The following DNAH7 variants were observed in gnomAD, a reference collection of about 807,000 sequenced individuals.
DNAH7 encodes the protein axonemal beta dynein heavy chain 7.
DNAH7 carries 397 observed loss-of-function variants against 444.6 expected under a neutral mutation model. That is an observed-to-expected ratio of 0.89 (90% confidence interval 0.82 to 0.97). The LOEUF (loss-of-function observed/expected upper bound fraction) is 0.97. Among genes scored for constraint, DNAH7 ranks in the 50% least tolerant of loss-of-function variants. DNAH7 has a pLI of 0.00. For synonymous variants in DNAH7, 1,636 were observed against 1,624.4 expected (o/e 1.01, Z -0.17); for missense variants, 4,902 against 4,800.8 (o/e 1.02, Z -0.62).
chr2:195,802,961 CT>C (rs1696546680), intron 54 of DNAH7, among the ~76,000 whole-genome samples: 1 of 152,170 alleles, frequency 6.6e-6, no homozygotes, highest in Non-Finnish European at 1.5e-5. Flanking sequence ...CAGTATTCGT[CT>C]TTCTGTGTCT....
chr2:195,799,557 A>G, intron 54 of DNAH7, 85 bp from the exon 55 acceptor site: 1 of 1,232,360 alleles, frequency 8.1e-7, no homozygotes, highest in Non-Finnish European at 1.1e-6. Flanking sequence ...GAGTTTTAAA[A>G]CAAAATACCC....
intron 31 of DNAH7, among the ~76,000 whole-genome samples, chr2:195,889,346 C>T (rs1701889374): frequency 6.8e-6 from 1 of 146,110 alleles, no homozygotes; most frequent in Non-Finnish European, 1.5e-5. Context: ...CAGGGTCTCA[C>T]TCTGTTGTCC....
intron 40 of DNAH7, among the ~76,000 whole-genome samples, chr2:195,870,884 G>A (rs1330670814): frequency 5.9e-5 from 9 of 152,166 alleles, no homozygotes; most frequent in Non-Finnish European, 8.8e-5. Context: ...CAGCCTGAAT[G>A]GACTAAGGCA....
At chr2:196,057,386 T>C (rs1165132822) in intron 2 of DNAH7, among the ~76,000 whole-genome samples, 1 of 152,304 alleles carries the variant, frequency 6.6e-6, no homozygotes, top group African/African-American at 2.4e-5. Flanking sequence ...ATACCTTTTT[T>C]CAATTTTAGA....
intron 35 of DNAH7, 64 bp downstream of exon 35, chr2:195,884,521 G>A (rs759052362): frequency 5.8e-5 from 69 of 1,198,990 alleles, no homozygotes; most frequent in Non-Finnish European, 8.0e-5. Flanking sequence ...GCCATTATAT[G>A]CTATGTGTCA....
intron 54 of DNAH7, among the ~76,000 whole-genome samples, chr2:195,803,928 G>A (rs1315315531): frequency 1.3e-5 from 2 of 152,130 alleles, no homozygotes; most frequent in Non-Finnish European, 1.5e-5. Flanking sequence ...AAAGGAAAGT[G>A]CAAGCCCATC....
intron 28 of DNAH7, among the ~76,000 whole-genome samples, chr2:195,899,493 A>C (rs1038710725): frequency 2.6e-5 from 4 of 152,168 alleles, no homozygotes; most frequent in Non-Finnish European, 5.9e-5. Context: ...CCTTTTGTTT[A>C]TTGCAACAAA....
At chr2:195,829,543 C>T (rs563364274) in intron 48 of DNAH7, among the ~76,000 whole-genome samples, 15 of 152,064 alleles carry the variant, frequency 9.9e-5, no homozygotes, top group African/African-American at 3.4e-4. Flanking sequence ...CCATTTTGAA[C>T]CAAAATTCTG....
At chr2:196,019,426 C>T (rs909642175) in intron 8 of DNAH7, 131 bp from the exon 9 acceptor site, 1 of 629,968 alleles carries the variant, frequency 1.6e-6, no homozygotes. Flanking sequence ...ACAAAACAAG[C>T]AATTATGTTT....
chr2:195,846,235 C>T (rs1023567817), intron 46 of DNAH7, among the ~76,000 whole-genome samples: 2 of 152,090 alleles, frequency 1.3e-5, no homozygotes, highest in Non-Finnish European at 2.9e-5. Context: ...AAGACATACA[C>T]GCAGCCACAA....
intron 15 of DNAH7, among the ~76,000 whole-genome samples, chr2:195,975,215 A>T (rs574918788): frequency 6.2e-4 from 94 of 152,266 alleles, no homozygotes; most frequent in African/African-American, 2.2e-3. Context: ...GGTAGGAAAG[A>T]TAGTCTTGAA....
At chr2:196,068,449 C>T (rs929781957) in intron 1 of DNAH7, 39 of 558,644 alleles carry the variant, frequency 7.0e-5, no homozygotes, top group Middle Eastern at 4.2e-4. Flanking sequence ...GTGGCTCCCC[C>T]TGCTGGCGCG....
chr2:195,969,818 T>C, intron 17 of DNAH7, 130 bp downstream of exon 17: 1 of 903,596 alleles, frequency 1.1e-6, no homozygotes, highest in South Asian at 2.0e-5. Context: ...ATTTGTGTCA[T>C]TCTATTATCC....
intron 23 of DNAH7, among the ~76,000 whole-genome samples, chr2:195,923,378 T>C (rs1446896867): frequency 6.6e-6 from 1 of 152,216 alleles, no homozygotes; most frequent in Non-Finnish European, 1.5e-5. Flanking sequence ...TATATAACTA[T>C]ACTTTTGAAT....
chr2:195,949,169 T>C (rs1690038165), intron 19 of DNAH7, among the ~76,000 whole-genome samples: 1 of 152,218 alleles, frequency 6.6e-6, no homozygotes, highest in Non-Finnish European at 1.5e-5. Flanking sequence ...AAGTTGCTTA[T>C]CAGCTTAAGG....
At chr2:195,756,078 A>G in intron 62 of DNAH7, 55 bp downstream of exon 62, 1 of 1,531,474 alleles carries the variant, frequency 6.5e-7, no homozygotes, top group Middle Eastern at 1.9e-4. Flanking sequence ...CATTCTGACG[A>G]AGAAAATGAA....
intron 61 of DNAH7, among the ~76,000 whole-genome samples, chr2:195,767,306 G>A (rs1694633421): frequency 6.6e-6 from 1 of 151,978 alleles, no homozygotes; most frequent in Non-Finnish European, 1.5e-5. Context: ...GATGATCTGA[G>A]ACCTTTTAAT....
At chr2:196,051,343 A>G in intron 2 of DNAH7, 94 bp from the exon 3 acceptor site, 1 of 917,542 alleles carries the variant, frequency 1.1e-6, no homozygotes, top group South Asian at 1.3e-5. Flanking sequence ...CTATTTAAAA[A>G]GTACATATTA....
intron 63 of DNAH7, among the ~76,000 whole-genome samples, chr2:195,742,749 T>TCC (rs1693120525): frequency 6.6e-6 from 1 of 152,202 alleles, no homozygotes; most frequent in African/African-American, 2.4e-5. Context: ...ATTCTCTGCC[T>TCC]CCCTTCATGC....
Sources: gnomAD v4.1 joint callset for allele counts (sites outside exome capture counted in the v4.1 genomes callset) on GRCh38, gnomAD v4.1.1 for gene constraint, MANE v1.5 for transcripts, NCBI Gene and HGNC (gene_info 2026-07-23, HGNC 2026-07-21) for gene names.